Variants in FMNL2 observed in about 807,000 individuals in gnomAD.
FMNL2 encodes the protein formin like 2.
In FMNL2, 51 loss-of-function variants were observed where a neutral mutation model predicts 130.2. That is an observed-to-expected ratio of 0.39 (90% confidence interval 0.31 to 0.49). The LOEUF (loss-of-function observed/expected upper bound fraction) is 0.49, where lower values mean the gene tolerates loss of function less well. Ranked by LOEUF, FMNL2 falls within the 20% of genes least tolerant of loss-of-function variation. The probability of loss-of-function intolerance (pLI) is 0.85; values close to 1 mark genes in which losing one functional copy is unlikely to be tolerated. For synonymous variants in FMNL2, 465 were observed against 467.1 expected, an observed-to-expected ratio of 1.00 and a Z score of 0.06; for missense variants, 977 against 1,316.2, an observed-to-expected ratio of 0.74 and a Z score of 3.99.
rs16831254 is a variant in FMNL2, at chr2:152,511,999, C to T, written c.118-9944C>T. On this transcript the variant is annotated intron_variant, in intron 1 of 25. Transcript: ENST00000288670. ...GACATTCAACAGCAGAATAAGAACA[C>T]TTTCTCTGGATTTCGATGCATTTTG... Among the ~76,000 whole-genome samples, 753 of 152,276 alleles carry T rather than the reference C, an allele frequency of 4.9e-3. 7 individuals are homozygous for T. Among genetic ancestry groups the T allele is most frequent in the African/African-American group, 0.017 (724 of 41,546 alleles).
chr2:152,427,610 T>C (rs752166810), intron 1 of FMNL2, among the ~76,000 whole-genome samples: 4 of 152,190 alleles, frequency 2.6e-5, no homozygotes, highest in Non-Finnish European at 4.4e-5. Context: ...TCTTTTTTTT[T>C]CAACATAACA....
intron 1 of FMNL2, among the ~76,000 whole-genome samples, chr2:152,375,896 T>TAC (rs1553871971): frequency 0.049 from 7,076 of 143,210 alleles, 233 homozygotes; most frequent in Non-Finnish European, 0.065. Flanking sequence ...TATATATATA[T>TAC]AATTATTATT....
chr2:152,371,074 C>G (rs1318619742), intron 1 of FMNL2, among the ~76,000 whole-genome samples: 2 of 152,236 alleles, frequency 1.3e-5, no homozygotes, highest in Admixed American at 1.3e-4. Context: ...TTTCTACAGA[C>G]TGCATGTTAA....
chr2:152,408,752 A>G (rs931864832), intron 1 of FMNL2, among the ~76,000 whole-genome samples: 19 of 152,224 alleles, frequency 1.2e-4, no homozygotes, highest in South Asian at 1.0e-3. Context: ...CACAAAGCCT[A>G]TTATAATAAA....
chr2:152,495,111 T>C (rs535135794), intron 1 of FMNL2, among the ~76,000 whole-genome samples: 10 of 152,304 alleles, frequency 6.6e-5, no homozygotes, highest in Admixed American at 4.6e-4. Context: ...TTACTACTCC[T>C]ATTATTCTAT....
intron 7 of FMNL2, among the ~76,000 whole-genome samples, chr2:152,576,850 A>G (rs971142130): frequency 3.3e-5 from 5 of 152,178 alleles, no homozygotes; most frequent in Non-Finnish European, 7.4e-5. Flanking sequence ...CACAGAAAGG[A>G]GGCTTGGCTG....
intron 1 of FMNL2, among the ~76,000 whole-genome samples, chr2:152,377,418 G>T (rs560105414): frequency 1.3e-5 from 2 of 152,280 alleles, no homozygotes; most frequent in South Asian, 4.2e-4. Context: ...AAGAGTTCTT[G>T]TTGAAAGTTA....
chr2:152,634,683 G>A (rs528940984), intron 21 of FMNL2, among the ~76,000 whole-genome samples: 7 of 152,326 alleles, frequency 4.6e-5, no homozygotes, highest in African/African-American at 1.7e-4. Flanking sequence ...TATGGCGGAT[G>A]AGGCAAAGCT....
intron 21 of FMNL2, among the ~76,000 whole-genome samples, chr2:152,632,874 T>A (rs1342323999): frequency 6.6e-6 from 1 of 152,198 alleles, no homozygotes; most frequent in Non-Finnish European, 1.5e-5. Flanking sequence ...GATTCTCAAA[T>A]TGTGATATCG....
intron 9 of FMNL2, among the ~76,000 whole-genome samples, chr2:152,594,627 G>T (rs1444008808): frequency 6.6e-6 from 1 of 152,180 alleles, no homozygotes. Context: ...TTGAGGACTT[G>T]TCTGTGGAAG....
In FMNL2 at chr2:152,619,552, G is replaced by GCCACCCCCCCCTCCC; in HGVS notation, c.1673_1674insACCCCCCCCTCCCCC (p.Pro569_Pro573dup). 1 of 1,417,706 alleles carries GCCACCCCCCCCTCCC rather than the reference G, an allele frequency of 7.1e-7. No individual in the cohort carries two copies. The highest frequency in any genetic ancestry group is 1.3e-5 in the South Asian group (1 of 79,024). 87.8% of individuals were successfully genotyped at this position (1,417,706 alleles called of 1,614,324 possible). A position where few individuals can be genotyped will look rare whatever the true frequency, so the allele number is the denominator to read the frequency against. On this transcript the variant is annotated inframe_insertion, in exon 15 of 26. Transcript: ENST00000288670. ...CACCACCTATGCCACCGCCGCCGCC[G>GCCACCCCCCCCTCCC]CCCCCTCCTCCACCTCCTCCTCCCC...
In FMNL2 at chr2:152,521,981, G is replaced by A. The variant is rs1367209215; in HGVS notation, c.156G>A (p.Leu52=). The change falls in exon 2 of 26, where the codon CTG becomes CTA. Residue 52 remains leucine (L), a synonymous_variant. Transcript: ENST00000288670. The part of the protein sequence containing the change: ...MNLPPDKARL[L]RQYDNEKKWE... Reference sequence around the variant, plus strand: ...TACCTCCTGACAAAGCCAGGTTACTGCGGCAGTATGATAATGAGAAAAAAT... The same window carrying A: ...TACCTCCTGACAAAGCCAGGTTACTACGGCAGTATGATAATGAGAAAAAAT... 1 of 1,612,438 alleles carries A rather than the reference G, an allele frequency of 6.2e-7. No homozygotes were observed. The highest frequency in any genetic ancestry group is 8.5e-7 in the Non-Finnish European group (1 of 1,179,462).
At chr2:152,482,872 T>TCA (rs1690606731) in intron 1 of FMNL2, among the ~76,000 whole-genome samples, 1 of 152,198 alleles carries the variant, frequency 6.6e-6, no homozygotes, top group East Asian at 1.9e-4. Flanking sequence ...AAACACAGGT[T>TCA]ACTGGTGAAT....
intron 4 of FMNL2, among the ~76,000 whole-genome samples, chr2:152,552,817 A>G (rs2105550357): frequency 6.6e-6 from 1 of 152,348 alleles, no homozygotes; most frequent in South Asian, 2.1e-4. Flanking sequence ...TGTCAGAGTG[A>G]TAGGATTTAA....
chr2:152,405,444 C>A (rs1183083203), intron 1 of FMNL2, among the ~76,000 whole-genome samples: 1 of 152,158 alleles, frequency 6.6e-6, no homozygotes, highest in Non-Finnish European at 1.5e-5. Flanking sequence ...AACTGTTTGC[C>A]TTTGGAAAAC....
chr2:152,538,283 T>G (rs113769027), intron 2 of FMNL2, among the ~76,000 whole-genome samples: 27,340 of 151,938 alleles, frequency 0.18, 2,705 homozygotes, highest in Admixed American at 0.3. Flanking sequence ...GGTTTTTTTT[T>G]TTTGTTTGTT....
intron 4 of FMNL2, among the ~76,000 whole-genome samples, chr2:152,554,425 TCTTACA>T (rs2105559202): frequency 6.6e-6 from 1 of 152,280 alleles, no homozygotes; most frequent in East Asian, 1.9e-4. Context: ...CTTTGTGCTG[TCTTACA>T]CTTTGATTGG....
chr2:152,378,669 A>G lies in FMNL2; in HGVS notation c.117+42949A>G, dbSNP rs184770022. ...GCTTAGGATACAAAAAATGATCACA[A>G]TGTGGTTTTGGCTTAGGAGGGGCTC... is the stretch of plus-strand genomic sequence containing the variant. On this transcript the variant is annotated intron_variant, in intron 1 of 25. Coordinates refer to ENST00000288670, the MANE Select transcript of FMNL2 (RefSeq NM_052905.4). 3.4e-3 allele frequency among the ~76,000 whole-genome samples: 510 copies of G among 152,184 alleles called. 2 individuals carry two copies. Among genetic ancestry groups the G allele is most frequent in the African/African-American group, 0.011 (472 of 41,540 alleles).
intron 1 of FMNL2, among the ~76,000 whole-genome samples, chr2:152,449,861 A>G (rs540114669): frequency 2.0e-5 from 3 of 152,330 alleles, no homozygotes; most frequent in South Asian, 2.1e-4. Context: ...TAACCTTCCT[A>G]CATTTTCCCA....
Sources: gnomAD v4.1 joint callset for allele counts (sites outside exome capture counted in the v4.1 genomes callset) on GRCh38, gnomAD v4.1.1 for gene constraint, MANE v1.5 for transcripts, NCBI Gene and HGNC (gene_info 2026-07-23, HGNC 2026-07-21) for gene names.